Variants in AP1M1 observed in about 807,000 individuals in gnomAD.
The protein encoded by AP1M1 is adaptor related protein complex 1 subunit mu 1.
A neutral mutation model predicts 57.1 loss-of-function variants in AP1M1; 18 were observed. The observed-to-expected ratio is 0.32, with a 90% confidence interval of 0.22 to 0.47. The LOEUF is 0.47. Among genes scored for constraint, AP1M1 ranks in the 20% least tolerant of loss-of-function variants. The pLI is 1.00. For missense variants in AP1M1, 362 were observed against 593.5 expected (o/e 0.61, Z 4.05); for synonymous variants, 241 against 237.9 (o/e 1.01, Z -0.12).
rs1014303319 is a variant in AP1M1, at chr19:16,238,572, C to T, written c.*4137C>T. The T allele has an allele frequency of 5.9e-5, 9 of 151,976 alleles. No homozygotes were observed. The highest frequency in any genetic ancestry group is 1.7e-4 in the African/African-American group (7 of 41,348). 9.4% of individuals were successfully genotyped at this position (151,976 alleles called of 1,614,324 possible). ...CTATATATATCCAGCAAAAGTCTAA[C>T]GAGATGCTTGAGAATTTGAAAAAAT... On this transcript the variant is annotated 3_prime_UTR_variant, in exon 12 of 12. Transcript: ENST00000291439.
chr19:16,224,129 C>T (rs939032653), intron 5 of AP1M1, among the ~76,000 whole-genome samples: 5 of 152,248 alleles, frequency 3.3e-5, no homozygotes, highest in African/African-American at 9.6e-5. Flanking sequence ...GACTGTCTCG[C>T]GCACTCCGTG....
chr19:16,226,556 C>G lies in AP1M1; in HGVS notation c.673+9C>G. 4 of 1,574,710 alleles carry G rather than the reference C, an allele frequency of 2.5e-6. No homozygotes were observed. The highest frequency in any genetic ancestry group is 1.3e-5 in the African/African-American group (1 of 74,510). On this transcript the variant is annotated intron_variant, in intron 6 of 11. Coordinates refer to ENST00000291439, the MANE Select transcript of AP1M1 (RefSeq NM_032493.4). ...CTTTGACAACACGGGCCGTGAGTAC[C>G]CTTGCCAAGGGCCCTGCCCATGAGG...
At chr19:16,232,007 G>A (rs372344345) in intron 9 of AP1M1, among the ~76,000 whole-genome samples, 10 of 152,342 alleles carry the variant, frequency 6.6e-5, no homozygotes, top group East Asian at 5.8e-4. Flanking sequence ...CGGGCCTTGC[G>A]TCCAGGCCTT....
At chr19:16,211,286 G>T (rs2091492379) in intron 5 of AP1M1, among the ~76,000 whole-genome samples, 1 of 152,018 alleles carries the variant, frequency 6.6e-6, no homozygotes, top group South Asian at 2.1e-4. Context: ...TCGAGACAGG[G>T]TTTCACTATG....
At position 16,228,148 on chromosome 19, in the gene AP1M1, G is replaced by T; in HGVS notation, c.828G>T (p.Leu276Phe). 1 of 1,613,930 alleles carries T rather than the reference G, an allele frequency of 6.2e-7. No homozygotes were observed. The highest frequency in any genetic ancestry group is 1.1e-5 in the South Asian group (1 of 91,088). Residue 276 changes from leucine (L) to phenylalanine (F), a missense_variant, in exon 8 of 12, where the codon TTG (leucine) becomes TTT (phenylalanine). Around this residue, in one of 2 missense-constraint regions of AP1M1, gnomAD observed 337 missense variants for 511.1 expected, o/e 0.66. Transcript: ENST00000291439. This position sits in a 1 kb window ranked among gnomAD's most constrained non-coding sequence, Gnocchi z 5.0. ...SYRLNTHVKP[L>F]IWIESVIEKH... The stretch of plus-strand genomic sequence containing the variant: ...GCCCTCCTTGGCAGGTCAAGCCTTT[G>T]ATATGGATCGAGTCGGTGATCGAGA...
rs564803280 is a variant in AP1M1, at chr19:16,234,465, G to A, written c.*30G>A. 5.6e-5 allele frequency: 90 copies of A among 1,612,880 alleles called. No homozygotes were observed. Among genetic ancestry groups the A allele is most frequent in the South Asian group, 5.2e-4 (47 of 91,048 alleles). On this transcript the variant is annotated 3_prime_UTR_variant, in exon 12 of 12. Coordinates refer to ENST00000291439, the MANE Select transcript of AP1M1 (RefSeq NM_032493.4). ...CTGTCGCAGCCAACACCCCGGCCTC[G>A]GGGCTCCTGGTGGCAGCACCAGGGG... is the stretch of plus-strand genomic sequence containing the variant.
chr19:16,199,852 A>T (rs1478793759), intron 1 of AP1M1, among the ~76,000 whole-genome samples: 1 of 152,024 alleles, frequency 6.6e-6, no homozygotes, highest in Non-Finnish European at 1.5e-5. Flanking sequence ...TGGCTTGCTT[A>T]TTCCTTCAGC....
intron 2 of AP1M1, among the ~76,000 whole-genome samples, chr19:16,204,335 C>T (rs2091461075): frequency 6.6e-6 from 1 of 152,162 alleles, no homozygotes; most frequent in East Asian, 1.9e-4. Flanking sequence ...CTGGCCACCC[C>T]ACAGCTTTGG....
chr19:16,217,121 C>CT (rs1472936967), intron 5 of AP1M1, among the ~76,000 whole-genome samples: 1 of 152,154 alleles, frequency 6.6e-6, no homozygotes, highest in Non-Finnish European at 1.5e-5. Context: ...GGGTGCAGGA[C>CT]TGTGTGTGCC....
chr19:16,231,883 A>G (rs61560339), intron 9 of AP1M1, among the ~76,000 whole-genome samples: 1,822 of 152,270 alleles, frequency 0.012, 44 homozygotes, highest in African/African-American at 0.041. Context: ...TTTTAAACCT[A>G]GAGTGTTTCT....
chr19:16,203,969 G>T lies in AP1M1; in HGVS notation c.199+354G>T, dbSNP rs2091459656. On this transcript the variant is annotated intron_variant, in intron 2 of 11. Transcript: ENST00000291439. This position sits in a 1 kb window ranked among gnomAD's most constrained non-coding sequence, Gnocchi z 4.6. ...TGCAGGGAAGAGCCTCATTCCAACA[G>T]CTGCACTCGGGGTGGCTGGAGAGGG... 6.6e-6 allele frequency among the ~76,000 whole-genome samples: 1 copy of T among 152,214 alleles called. No homozygotes were observed. The highest frequency in any genetic ancestry group is 2.4e-5 in the African/African-American group (1 of 41,462).
Position 16,203,607 on chromosome 19 carries a change from A to G in AP1M1, c.191A>G (p.Asn64Ser), listed in dbSNP as rs1418955873. The change falls in exon 2 of 12, where the codon AAC becomes AGC. Residue 64 changes from asparagine (N) to serine (S), a missense_variant. Physicochemically the swap from Asn to Ser is conservative, Grantham distance 46. This residue lies in a region of AP1M1 where 337 missense variants were observed against 511.1 expected (regional missense o/e 0.66). Coordinates refer to ENST00000291439, the MANE Select transcript of AP1M1 (RefSeq NM_032493.4). This position sits in a 1 kb window ranked among gnomAD's most constrained non-coding sequence, Gnocchi z 4.6. ...GVRFMWIKHN[N>S]LYLVATSKKN... ...CGTTTCATGTGGATCAAACACAACA[A>G]CCTGTATCGTATCCCTTTGCTGGGG... 1 of 1,608,934 alleles carries G rather than the reference A, an allele frequency of 6.2e-7. No homozygotes were observed. Among genetic ancestry groups the G allele is most frequent in the East Asian group, 2.2e-5 (1 of 44,764 alleles).
intron 5 of AP1M1, among the ~76,000 whole-genome samples, chr19:16,212,785 G>C (rs772132344): frequency 6.6e-6 from 1 of 152,180 alleles, no homozygotes; most frequent in Non-Finnish European, 1.5e-5. Context: ...AGAGATTCTG[G>C]TCTGTTGTAT....
intron 1 of AP1M1, among the ~76,000 whole-genome samples, chr19:16,200,601 G>A (rs895464791): frequency 2.0e-5 from 3 of 152,150 alleles, no homozygotes; most frequent in African/African-American, 2.4e-5. Context: ...CTCGTGAGCC[G>A]ACTGCATTTA....
intron 10 of AP1M1, 81 bp downstream of exon 10, chr19:16,233,699 A>G (rs998890198): frequency 6.7e-7 from 1 of 1,499,486 alleles, no homozygotes; most frequent in Non-Finnish European, 8.9e-7. Flanking sequence ...CAGCTTGGGA[A>G]AGGGTGTCAG....
At position 16,228,954 on chromosome 19, in the gene AP1M1, G is replaced by C. The variant is rs758703003; in HGVS notation, c.1047+26G>C. ...GTGAGCACTCTGTCCAGACATCCACGTGCCCCCTGCGCCTGTCTCTGCAAG... is the reference window on the plus strand; with the variant it reads ...GTGAGCACTCTGTCCAGACATCCACCTGCCCCCTGCGCCTGTCTCTGCAAG... On this transcript the variant is annotated intron_variant, in intron 9 of 11. Transcript: ENST00000291439. This position sits in a 1 kb window ranked among gnomAD's most constrained non-coding sequence, Gnocchi z 5.0. 2 of 1,608,762 alleles carry C rather than the reference G, an allele frequency of 1.2e-6. No homozygotes were observed. The highest frequency in any genetic ancestry group is 4.5e-5 in the East Asian group (2 of 44,730).
At position 16,228,943 on chromosome 19, in the gene AP1M1, C is replaced by T; in HGVS notation, c.1047+15C>T. The T allele has an allele frequency of 6.2e-7, 1 of 1,611,202 alleles. No individual in the cohort carries two copies. The highest frequency in any genetic ancestry group is 8.5e-7 in the Non-Finnish European group (1 of 1,177,716). ...AGTCCTTCCCGGTGAGCACTCTGTCCAGACATCCACGTGCCCCCTGCGCCT... is the reference window on the plus strand; with the variant it reads ...AGTCCTTCCCGGTGAGCACTCTGTCTAGACATCCACGTGCCCCCTGCGCCT... On this transcript the variant is annotated intron_variant, in intron 9 of 11. Transcript: ENST00000291439. This position sits in a 1 kb window ranked among gnomAD's most constrained non-coding sequence, Gnocchi z 5.0.
In AP1M1 at chr19:16,227,737, C is replaced by A. The variant is rs752528936; in HGVS notation, c.816+47C>A. On this transcript the variant is annotated intron_variant, in intron 7 of 11. Coordinates refer to ENST00000291439, the MANE Select transcript of AP1M1 (RefSeq NM_032493.4). This position sits in a 1 kb window ranked among gnomAD's most constrained non-coding sequence, Gnocchi z 6.2. ...TGGGCTGTCGGCAGACTCCTCCTCC[C>A]CTTCACCTCCAGGAGGTGAAGCCCA... The A allele has an allele frequency of 5.0e-6, 8 of 1,595,356 alleles. No individual in the cohort carries two copies. In the South Asian group the frequency reaches 8.9e-5, roughly 18 times the overall value.
intron 5 of AP1M1, among the ~76,000 whole-genome samples, chr19:16,213,908 T>C (rs1786626438): frequency 6.6e-6 from 1 of 152,242 alleles, no homozygotes; most frequent in Non-Finnish European, 1.5e-5. Context: ...AGGTTAGTAT[T>C]GATATGCATG....
Sources: gnomAD v4.1 joint callset for allele counts (sites outside exome capture counted in the v4.1 genomes callset) on GRCh38, gnomAD v4.1.1 for gene constraint, gnomAD v4.1.1 regional missense constraint, Gnocchi (gnomAD v3.1) non-coding constraint, MANE v1.5 for transcripts, NCBI Gene and HGNC (gene_info 2026-07-23, HGNC 2026-07-21) for gene names.